Variants in CCNJL observed in about 807,000 individuals in gnomAD.
CCNJL encodes the protein cyclin-J-like protein.
A neutral mutation model predicts 33.4 loss-of-function variants in CCNJL; 33 were observed. The ratio of observed to expected loss-of-function variants is 0.99; its 90% CI spans 0.75 to 1.32. The LOEUF is 1.32. Among genes scored for constraint, CCNJL ranks in the 40% most tolerant of loss-of-function variants. The pLI, the probability that CCNJL is intolerant of heterozygous loss-of-function variation, is 0.00. For missense variants in CCNJL, 512 were observed against 499.7 expected, an observed-to-expected ratio of 1.02 and a Z score of -0.23; for synonymous variants, 227 against 220.9, an observed-to-expected ratio of 1.03 and a Z score of -0.24.
chr5:160,283,567 A>C (rs924414544), intron 2 of CCNJL, among the ~76,000 whole-genome samples: 5 of 152,236 alleles, frequency 3.3e-5, no homozygotes, highest in Admixed American at 6.5e-5. Context: ...ATGTGAAATA[A>C]TCACATCGTG....
chr5:160,301,143 A>G (rs905310435), intron 2 of CCNJL, among the ~76,000 whole-genome samples: 2 of 152,226 alleles, frequency 1.3e-5, no homozygotes, highest in Non-Finnish European at 2.9e-5. Flanking sequence ...TCAAAAAGGC[A>G]TTCAGTGGGG....
intron 2 of CCNJL, among the ~76,000 whole-genome samples, chr5:160,302,828 T>A (rs1002225902): frequency 1.1e-4 from 17 of 149,588 alleles, no homozygotes; most frequent in Middle Eastern, 3.4e-3. Flanking sequence ...AAAAAAAAAA[T>A]AATAATAATA....
At chr5:160,302,289 G>T (rs573780125) in intron 2 of CCNJL, among the ~76,000 whole-genome samples, 1 of 152,110 alleles carries the variant, frequency 6.6e-6, no homozygotes, top group Non-Finnish European at 1.5e-5. Context: ...AGCACGTGCA[G>T]TTAAGGAAAA....
intron 4 of CCNJL, 119 bp from the exon 5 acceptor site, chr5:160,255,827 A>G: frequency 1.2e-6 from 1 of 812,630 alleles, no homozygotes; most frequent in Non-Finnish European, 2.0e-6. Flanking sequence ...TGCCCTACAA[A>G]TAGGATGGAA....
At chr5:160,287,139 C>A (rs139633170) in intron 2 of CCNJL, among the ~76,000 whole-genome samples, 134 of 152,222 alleles carry the variant, frequency 8.8e-4, no homozygotes, top group African/African-American at 3.2e-3. Context: ...TGTGAACTGA[C>A]CCTCAGTGTC....
chr5:160,310,952 A>G (rs1196515667), intron 2 of CCNJL, among the ~76,000 whole-genome samples: 1 of 152,198 alleles, frequency 6.6e-6, no homozygotes, highest in Non-Finnish European at 1.5e-5. Flanking sequence ...GCTGAAATAA[A>G]TTTCTGTTGC....
chr5:160,289,686 A>G (rs1321771054), intron 2 of CCNJL, among the ~76,000 whole-genome samples: 3 of 152,162 alleles, frequency 2.0e-5, no homozygotes, highest in African/African-American at 7.2e-5. Context: ...CATGAATCAC[A>G]GCCCACCTAA....
chr5:160,292,635 GTGTGTGTGTATATATATGTAACA>G (rs1372671846), intron 2 of CCNJL, among the ~76,000 whole-genome samples: 2 of 151,664 alleles, frequency 1.3e-5, no homozygotes, highest in Non-Finnish European at 2.9e-5. Flanking sequence ...GTATGTATAT[GTGTGTGTGTATATATATGTAACA>G]TGTGTGTGTA....
intron 3 of CCNJL, among the ~76,000 whole-genome samples, chr5:160,264,228 A>G (rs1162015691): frequency 6.6e-6 from 1 of 152,098 alleles, no homozygotes; most frequent in Admixed American, 6.5e-5. Context: ...CCTAGTCACT[A>G]TCAACATACT....
intron 2 of CCNJL, among the ~76,000 whole-genome samples, chr5:160,306,138 G>C (rs2113443458): frequency 6.6e-6 from 1 of 152,186 alleles, no homozygotes; most frequent in African/African-American, 2.4e-5. Flanking sequence ...GCTGGGTGTG[G>C]TGTGCGCCTG....
intron 2 of CCNJL, among the ~76,000 whole-genome samples, chr5:160,292,053 C>T (rs973453904): frequency 1.3e-5 from 2 of 152,104 alleles, no homozygotes; most frequent in Admixed American, 6.5e-5. Context: ...CACAGTAAGA[C>T]CCCGTCTCTT....
chr5:160,333,382 C>T lies in CCNJL; in HGVS notation n.206+6063G>A, dbSNP rs1441545854. Among the ~76,000 whole-genome samples, 3 of 151,976 alleles carry T rather than the reference C, an allele frequency of 2.0e-5. No individual in the cohort carries two copies. The South Asian group carries it at 6.2e-4, about 32-fold the overall frequency. On this transcript the variant is annotated intron_variant and non_coding_transcript_variant, in intron 1 of 7. Coordinates refer to the CCNJL transcript ENST00000377503. ...CTCGTTATCTGCCCACTTCAGCCTC[C>T]CAAAGTGCTGGGATTACAGGCATGA...
At chr5:160,279,654 A>C (rs573673420) in intron 3 of CCNJL, among the ~76,000 whole-genome samples, 22 of 152,264 alleles carry the variant, frequency 1.4e-4, no homozygotes, top group African/African-American at 4.8e-4. Context: ...ACCCAGAACC[A>C]GGTGGGCAGC....
At chr5:160,273,451 A>G (rs1244677488) in intron 3 of CCNJL, among the ~76,000 whole-genome samples, 1 of 152,124 alleles carries the variant, frequency 6.6e-6, no homozygotes, top group Non-Finnish European at 1.5e-5. Context: ...CAAAATCACC[A>G]ACAAAAAGCA....
intron 4 of CCNJL, among the ~76,000 whole-genome samples, chr5:160,256,534 C>A (rs1222185179): frequency 6.6e-6 from 1 of 152,208 alleles, no homozygotes; most frequent in Admixed American, 6.5e-5. Flanking sequence ...CGAGGAAAAG[C>A]TGGTGCTAAA....
In CCNJL at chr5:160,259,604, AGTGGGCAGGC is replaced by A. The variant is rs777237701; in HGVS notation, c.438_447del (p.Pro147SerfsTer40). On this transcript the variant is annotated frameshift_variant, in exon 4 of 6. Coordinates refer to ENST00000257536, the MANE Select transcript of CCNJL (RefSeq NM_001308173.3). LOFTEE classifies it high-confidence loss of function. The stretch of plus-strand genomic sequence containing the variant: ...GAGGCCAAGAGGTAGTAGTCCAGGA[AGTGGGCAGGC>A]GTGGGCAGGCAGAGGTTCCAGCTGA... 9 of 1,614,128 alleles carry A rather than the reference AGTGGGCAGGC, an allele frequency of 5.6e-6. No homozygotes were observed. Among genetic ancestry groups the A allele is most frequent in the Admixed American group, 1.7e-5 (1 of 60,014 alleles).
chr5:160,278,083 T>A (rs1285781187), intron 3 of CCNJL, among the ~76,000 whole-genome samples: 1 of 152,112 alleles, frequency 6.6e-6, no homozygotes, highest in Non-Finnish European at 1.5e-5. Context: ...AATTTTGTAT[T>A]TTTAGTAGAG....
chr5:160,293,196 A>C (rs1360958977), intron 2 of CCNJL, among the ~76,000 whole-genome samples: 1 of 152,230 alleles, frequency 6.6e-6, no homozygotes, highest in East Asian at 1.9e-4. Flanking sequence ...AGGCAGGCAG[A>C]TTACCTGAGG....
At chr5:160,259,296 C>T (rs866722687) in intron 4 of CCNJL, among the ~76,000 whole-genome samples, 173 bp downstream of exon 4, 2 of 152,190 alleles carry the variant, frequency 1.3e-5, no homozygotes, top group Non-Finnish European at 1.5e-5. Context: ...TGTTACTGGG[C>T]GAATCCTTGC....
Sources: allele counts gnomAD v4.1 joint callset (sites outside exome capture counted in the v4.1 genomes callset), GRCh38; gene constraint gnomAD v4.1.1; transcripts MANE v1.5; gene names NCBI Gene and HGNC (gene_info 2026-07-23, HGNC 2026-07-21).